Variants in RPS6KA2 observed in about 807,000 individuals in gnomAD.
RPS6KA2 encodes ribosomal protein S6 kinase A2.
RPS6KA2 carries 42 observed loss-of-function variants against 91.8 expected under a neutral mutation model. The ratio of observed to expected loss-of-function variants is 0.46; its 90% CI spans 0.36 to 0.59. RPS6KA2 has a LOEUF of 0.59. RPS6KA2 is among the 20% of genes least tolerant of loss of function. RPS6KA2 has a pLI of 0.00. For synonymous variants in RPS6KA2, 414 were observed against 393.6 expected, an observed-to-expected ratio of 1.05 and a Z score of -0.61; for missense variants, 798 against 978.5, an observed-to-expected ratio of 0.82 and a Z score of 2.46.
chr6:166,420,997 A>G (rs1289938367), intron 17 of RPS6KA2, among the ~76,000 whole-genome samples: 2 of 152,164 alleles, frequency 1.3e-5, no homozygotes, highest in Non-Finnish European at 2.9e-5. Context: ...GAGAGCAAGG[A>G]GCCTGTCCTT....
intron 2 of RPS6KA2, among the ~76,000 whole-genome samples, chr6:166,740,569 T>G (rs1257141596): frequency 6.6e-6 from 1 of 152,172 alleles, no homozygotes; most frequent in East Asian, 1.9e-4. Context: ...TTTAAAAAAT[T>G]CAAAATAAAA....
intron 10 of RPS6KA2, among the ~76,000 whole-genome samples, chr6:166,471,745 G>A (rs1376922917): frequency 6.6e-6 from 1 of 152,222 alleles, no homozygotes; most frequent in African/African-American, 2.4e-5. Context: ...GAGGTTATGA[G>A]TTACAGGTAC....
At chr6:166,714,417 T>C (rs2052681715) in intron 2 of RPS6KA2, among the ~76,000 whole-genome samples, 1 of 152,184 alleles carries the variant, frequency 6.6e-6, no homozygotes, top group Non-Finnish European at 1.5e-5. Context: ...TATGGTTGAA[T>C]TGTATACCCT....
At chr6:166,609,954 C>T (rs914607692) in intron 1 of RPS6KA2, among the ~76,000 whole-genome samples, 1 of 152,186 alleles carries the variant, frequency 6.6e-6, no homozygotes, top group Non-Finnish European at 1.5e-5. Context: ...GTATTAGCTT[C>T]GGACTAGTTA....
intron 2 of RPS6KA2, among the ~76,000 whole-genome samples, chr6:166,759,105 G>GTA (rs1778100888): frequency 1.3e-5 from 2 of 151,980 alleles, no homozygotes; most frequent in South Asian, 2.1e-4. Context: ...GCCTGTGTGT[G>GTA]CAGGTCTGCG....
chr6:166,816,034 C>T (rs576472174), intron 2 of RPS6KA2, among the ~76,000 whole-genome samples: 11 of 152,132 alleles, frequency 7.2e-5, no homozygotes, highest in South Asian at 4.2e-4. Context: ...AAAAATACAC[C>T]CTAGTTTTTA....
At chr6:166,769,409 G>A (rs1453995478) in intron 2 of RPS6KA2, among the ~76,000 whole-genome samples, 1 of 152,194 alleles carries the variant, frequency 6.6e-6, no homozygotes, top group Non-Finnish European at 1.5e-5. Flanking sequence ...GAAAGGAATA[G>A]AAGACGGTGT....
intron 10 of RPS6KA2, among the ~76,000 whole-genome samples, chr6:166,486,159 C>T (rs115556056): frequency 0.012 from 1,813 of 152,336 alleles, 40 homozygotes; most frequent in African/African-American, 0.041. Flanking sequence ...CAGGTCCCAT[C>T]TGGGACTTTG....
At chr6:166,581,908 C>T (rs929192659) in intron 1 of RPS6KA2, among the ~76,000 whole-genome samples, 1 of 137,442 alleles carries the variant, frequency 7.3e-6, no homozygotes, top group Non-Finnish European at 1.5e-5. Flanking sequence ...GGGTGGAATG[C>T]CCACTGGGCA....
chr6:166,690,700 C>T (rs1789181464), intron 2 of RPS6KA2, among the ~76,000 whole-genome samples: 1 of 152,168 alleles, frequency 6.6e-6, no homozygotes, highest in South Asian at 2.1e-4. Flanking sequence ...GTGAGACTCC[C>T]TGGGTTGCAC....
rs766274620 is a variant in RPS6KA2 at position 166,852,735 on chromosome 6, G to A, written c.123+5465C>T. Reference sequence around the variant, plus strand: ...CACGCTCAGGAGCTCATCCCTGAGCGCCCACAGGCCCCTGGATGTCCCTGT... The same window carrying A: ...CACGCTCAGGAGCTCATCCCTGAGCACCCACAGGCCCCTGGATGTCCCTGT... On this transcript the variant is annotated intron_variant, in intron 2 of 21. Transcript: ENST00000503859. The surrounding 1 kb of genome is among the most constrained non-coding windows in gnomAD (Gnocchi z 4.1). 2.6e-5 allele frequency among the ~76,000 whole-genome samples: 4 copies of A among 152,216 alleles called. No individual in the cohort carries two copies. Among genetic ancestry groups the A allele is most frequent in the Non-Finnish European group, 4.4e-5 (3 of 68,008 alleles).
chr6:166,697,305 G>A (rs1333242535), intron 2 of RPS6KA2, among the ~76,000 whole-genome samples: 1 of 152,020 alleles, frequency 6.6e-6, no homozygotes, highest in African/African-American at 2.4e-5. Context: ...GAAAGCGGAA[G>A]TTGACCACAA....
chr6:166,715,549 G>A (rs1789984355), intron 2 of RPS6KA2, among the ~76,000 whole-genome samples: 2 of 152,224 alleles, frequency 1.3e-5, no homozygotes, highest in African/African-American at 4.8e-5. Context: ...GCACAGCCGT[G>A]CATCACTTAA....
intron 1 of RPS6KA2, among the ~76,000 whole-genome samples, chr6:166,606,072 G>A (rs992839285): frequency 2.0e-5 from 3 of 152,166 alleles, no homozygotes; most frequent in Non-Finnish European, 2.9e-5. Context: ...AGGACTGCGG[G>A]GCTGCACACA....
At chr6:166,667,979 C>T (rs910570252) in intron 2 of RPS6KA2, among the ~76,000 whole-genome samples, 3 of 152,142 alleles carry the variant, frequency 2.0e-5, no homozygotes, top group African/African-American at 7.2e-5. Context: ...AGAGCACAGC[C>T]CGCACACAGC....
intron 10 of RPS6KA2, among the ~76,000 whole-genome samples, chr6:166,476,866 G>C (rs1296170499): frequency 6.6e-6 from 1 of 152,198 alleles, no homozygotes; most frequent in African/African-American, 2.4e-5. Context: ...GCTCAACACA[G>C]GGGCAGCTGG....
At chr6:166,671,672 C>T (rs1289600290) in intron 2 of RPS6KA2, among the ~76,000 whole-genome samples, 1 of 152,120 alleles carries the variant, frequency 6.6e-6, no homozygotes, top group Non-Finnish European at 1.5e-5. Flanking sequence ...CTTCTCTGTG[C>T]TCTGAAATCT....
Position 166,480,475 on chromosome 6 carries a change from GATTTTAT to G in RPS6KA2, c.907+8351_907+8357del, listed in dbSNP as rs1236354993. On this transcript the variant is annotated intron_variant, in intron 10 of 20. Transcript: ENST00000265678. ...AGAATCTTATATTCCTTAAGATTGT[GATTTTAT>G]ATATATATATATATATATATATATA... Among the ~76,000 whole-genome samples, 507 of 60,996 alleles carry G rather than the reference GATTTTAT, an allele frequency of 8.3e-3. 13 individuals carry two copies. Among genetic ancestry groups the G allele is most frequent in the African/African-American group, 0.038 (464 of 12,358 alleles). The allele number at this position is 60,996 out of a possible 152,430, so 40.0% of individuals were successfully genotyped here.
At chr6:166,451,878 G>C (rs184544742) in intron 12 of RPS6KA2, among the ~76,000 whole-genome samples, 1 of 152,274 alleles carries the variant, frequency 6.6e-6, no homozygotes, top group Admixed American at 6.5e-5. Context: ...CCCATTTCAA[G>C]TTTATCATTA....
Sources: gnomAD v4.1 joint callset for allele counts (sites outside exome capture counted in the v4.1 genomes callset) on GRCh38, gnomAD v4.1.1 for gene constraint, Gnocchi (gnomAD v3.1) non-coding constraint, MANE v1.5 for transcripts, NCBI Gene and HGNC (gene_info 2026-07-23, HGNC 2026-07-21) for gene names.